CFAP44: variants seen among roughly 807,000 people sequenced by gnomAD.
CFAP44 encodes the protein cilia and flagella associated protein 44, also known as cilia- and flagella-associated protein 44.
A neutral mutation model predicts 216.2 loss-of-function variants in CFAP44; 134 were observed. The observed-to-expected ratio is 0.62, with a 90% confidence interval of 0.54 to 0.72. CFAP44 has a LOEUF of 0.72. CFAP44 is among the 30% of genes least tolerant of loss of function. CFAP44 has a pLI of 0.00. For synonymous variants in CFAP44, 700 were observed against 727.6 expected (o/e 0.96, Z 0.61); for missense variants, 2,035 against 2,182.1 (o/e 0.93, Z 1.34).
In CFAP44 at chr3:113,427,218, T is replaced by C. The variant is rs772527110; in HGVS notation, c.222A>G (p.Ser74=). Residue 74 remains serine, a synonymous_variant, in exon 3 of 35, where the codon TCA becomes TCG. Transcript: ENST00000393845. Reference sequence around the variant, plus strand: ...TGCTTTGCAAATCACCATACTGAAATGAACTCAAACTTCCTTCCAAACGTT... The same window carrying C: ...TGCTTTGCAAATCACCATACTGAAACGAACTCAAACTTCCTTCCAAACGTT... ...DEERLEGSLS[S]FQYGDLQSTT... 1 of 1,613,330 alleles carries C rather than the reference T, an allele frequency of 6.2e-7. No homozygotes were observed. The highest frequency in any genetic ancestry group is 1.1e-5 in the South Asian group (1 of 90,744).
chr3:113,369,516 T>A (rs1193830703), intron 18 of CFAP44, among the ~76,000 whole-genome samples: 1 of 152,202 alleles, frequency 6.6e-6, no homozygotes, highest in East Asian at 1.9e-4. Context: ...AATAAAGATG[T>A]TCTTTGAAAC....
intron 33 of CFAP44, 29 bp from the exon 34 acceptor site, chr3:113,294,850 T>G (rs1576532888): frequency 1.3e-6 from 2 of 1,508,510 alleles, no homozygotes; most frequent in Non-Finnish European, 1.8e-6. Context: ...GCAAAATAGA[T>G]GTAGTGAATA....
At chr3:113,410,806 T>C (rs1161451568) in intron 6 of CFAP44, among the ~76,000 whole-genome samples, 1 of 152,164 alleles carries the variant, frequency 6.6e-6, no homozygotes, top group Non-Finnish European at 1.5e-5. Flanking sequence ...CTCTCCAGCA[T>C]CTGTTGTTTC....
chr3:113,325,380 C>G (rs1950180472), intron 28 of CFAP44, among the ~76,000 whole-genome samples: 1 of 151,270 alleles, frequency 6.6e-6, no homozygotes, highest in Non-Finnish European at 1.5e-5. Flanking sequence ...ATACTGAATA[C>G]TAGTATACAA....
At chr3:113,385,325 A>G (rs1933618615) in intron 15 of CFAP44, among the ~76,000 whole-genome samples, 1 of 152,228 alleles carries the variant, frequency 6.6e-6, no homozygotes, top group African/African-American at 2.4e-5. Context: ...ACTAGAGAGA[A>G]AGACAACCAT....
chr3:113,356,937 A>G (rs1950497150), intron 22 of CFAP44, among the ~76,000 whole-genome samples: 1 of 152,164 alleles, frequency 6.6e-6, no homozygotes, highest in African/African-American at 2.4e-5. Flanking sequence ...ACATACATAC[A>G]TGTCATATAC....
At chr3:113,417,890 A>C (rs1410239649) in intron 5 of CFAP44, among the ~76,000 whole-genome samples, 1 of 152,190 alleles carries the variant, frequency 6.6e-6, no homozygotes, top group African/African-American at 2.4e-5. Flanking sequence ...TTTGTAAAGA[A>C]ATATGGTGTA....
intron 18 of CFAP44, among the ~76,000 whole-genome samples, chr3:113,367,136 T>C (rs1241912852): frequency 1.3e-5 from 2 of 152,194 alleles, no homozygotes; most frequent in Non-Finnish European, 2.9e-5. Flanking sequence ...GGGCAGGGCA[T>C]AGCTGAACAA....
chr3:113,325,992 G>C (rs936763350), intron 28 of CFAP44, among the ~76,000 whole-genome samples: 24 of 152,218 alleles, frequency 1.6e-4, no homozygotes, highest in African/African-American at 5.8e-4. Context: ...TAAATGAAAA[G>C]GCAAGCTACG....
intron 24 of CFAP44, among the ~76,000 whole-genome samples, chr3:113,336,812 G>A (rs1435409397): frequency 1.3e-5 from 2 of 151,892 alleles, no homozygotes; most frequent in Non-Finnish European, 2.9e-5. Flanking sequence ...AGTGAAGTTA[G>A]TAAAGACACT....
At chr3:113,337,464 T>G (rs1023011042) in intron 24 of CFAP44, among the ~76,000 whole-genome samples, 1 of 152,110 alleles carries the variant, frequency 6.6e-6, no homozygotes, top group Non-Finnish European at 1.5e-5. Context: ...TTTCTGAAAT[T>G]TATATGGAAA....
At chr3:113,302,772 C>CAAAAAAAAAAAAAAAAAAAAAA (rs57355375) in intron 32 of CFAP44, among the ~76,000 whole-genome samples, 3 of 44,504 alleles carry the variant, frequency 6.7e-5, no homozygotes, top group Non-Finnish European at 9.4e-5. Context: ...GACTCCATCT[C>CAAAAAAAAAAAAAAAAAAAAAA]AAAAAAAAAA....
At position 113,433,564 on chromosome 3, in the gene CFAP44, C is replaced by T. The variant is rs1935163232; in HGVS notation, c.100+1G>A. 1.3e-6 allele frequency: 2 copies of T among 1,554,586 alleles called. No individual in the cohort carries two copies. The highest frequency in any genetic ancestry group is 1.8e-6 in the Non-Finnish European group (2 of 1,140,010). On this transcript the variant is annotated splice_donor_variant, in intron 2 of 34. Coordinates refer to ENST00000393845, the MANE Select transcript of CFAP44 (RefSeq NM_001164496.2). LOFTEE classifies it high-confidence loss of function. ...AAAGTATACATATTATCTTTACTTA[C>T]ATCTTGATTCTGATTTAGAAGACCT...
chr3:113,298,747 T>A (rs991586085), intron 32 of CFAP44, among the ~76,000 whole-genome samples: 1 of 152,094 alleles, frequency 6.6e-6, no homozygotes, highest in Non-Finnish European at 1.5e-5. Context: ...AAAAGACAAA[T>A]ACTGTATTAT....
intron 27 of CFAP44, among the ~76,000 whole-genome samples, chr3:113,327,126 A>C (rs1315308418): frequency 6.6e-6 from 1 of 152,082 alleles, no homozygotes; most frequent in Non-Finnish European, 1.5e-5. Flanking sequence ...AGTATAATTT[A>C]TTTTCTGAAA....
chr3:113,424,947 C>A (rs181801458), intron 4 of CFAP44, among the ~76,000 whole-genome samples: 2 of 152,290 alleles, frequency 1.3e-5, no homozygotes, highest in Admixed American at 1.3e-4. Flanking sequence ...AAGTCCCTCT[C>A]CACAAAGAAC....
intron 32 of CFAP44, 59 bp downstream of exon 32, chr3:113,303,857 G>A (rs775710413): frequency 9.0e-5 from 136 of 1,512,656 alleles, no homozygotes; most frequent in Non-Finnish European, 1.2e-4. Context: ...CAGTCACCTG[G>A]ATAATTCCCT....
chr3:113,379,407 C>T lies in CFAP44; in HGVS notation c.2197G>A (p.Glu733Lys), dbSNP rs532080675. The T allele has an allele frequency of 6.2e-7, 1 of 1,609,110 alleles. No individual in the cohort carries two copies. Among genetic ancestry groups the T allele is most frequent in the Admixed American group, 1.7e-5 (1 of 59,852 alleles). Residue 733 changes from glutamate (E) to lysine (K), a missense_variant, in exon 17 of 35, where the codon GAG (glutamate) becomes AAG (lysine). This residue lies in a region of CFAP44 where 1,883 missense variants were observed against 2,023.7 expected (regional missense o/e 0.93). Transcript: ENST00000393845. ...TCAGGTAATGGCTCTTCTTCCTCCTCCTCCTCCTCTTTCTCCTCTTCCTCC... is the reference window on the plus strand; with the variant it reads ...TCAGGTAATGGCTCTTCTTCCTCCTTCTCCTCCTCTTTCTCCTCTTCCTCC... ...QEEEEEKEEE[E>K]EEEEPLPEIF...
At chr3:113,302,573 A>G (rs1949947209) in intron 32 of CFAP44, among the ~76,000 whole-genome samples, 1 of 150,522 alleles carries the variant, frequency 6.6e-6, no homozygotes, top group Middle Eastern at 3.2e-3. Flanking sequence ...CAGCCTGGCC[A>G]CCATGGAGAA....
Sources: gnomAD v4.1 joint callset for allele counts (sites outside exome capture counted in the v4.1 genomes callset) on GRCh38, gnomAD v4.1.1 for gene constraint, gnomAD v4.1.1 regional missense constraint, MANE v1.5 for transcripts, NCBI Gene and HGNC (gene_info 2026-07-23, HGNC 2026-07-21) for gene names.